Variants in DDX60L observed in about 807,000 individuals in gnomAD.
DDX60L encodes the protein probable ATP-dependent RNA helicase DDX60-like.
DDX60L carries 191 observed loss-of-function variants against 211.6 expected under a neutral mutation model. The ratio of observed to expected loss-of-function variants is 0.90; its 90% CI spans 0.80 to 1.02. The LOEUF (loss-of-function observed/expected upper bound fraction) is 1.02. Ranked by LOEUF, DDX60L falls within the 50% of genes least tolerant of loss-of-function variation. The pLI, the probability that DDX60L is intolerant of heterozygous loss-of-function variation, is 0.00. For missense variants in DDX60L, 2,007 were observed against 1,984.1 expected, an observed-to-expected ratio of 1.01 and a Z score of -0.22; for synonymous variants, 706 against 694.1, an observed-to-expected ratio of 1.02 and a Z score of -0.27.
At chr4:168,462,820 A>ACAAAAG (rs1480452153) in intron 4 of DDX60L, among the ~76,000 whole-genome samples, 2 of 151,762 alleles carry the variant, frequency 1.3e-5, no homozygotes, top group African/African-American at 2.4e-5. Context: ...CAAAACAAAA[A>ACAAAAG]CAAAAACAAA....
chr4:168,403,895 C>A, intron 25 of DDX60L, 87 bp downstream of exon 25: 1 of 712,784 alleles, frequency 1.4e-6, no homozygotes, highest in Non-Finnish European at 2.1e-6. Flanking sequence ...CTTCTAACCA[C>A]TATATATAAA....
intron 5 of DDX60L, among the ~76,000 whole-genome samples, chr4:168,459,169 C>A (rs1756971673): frequency 1.3e-5 from 2 of 151,916 alleles, no homozygotes; most frequent in African/African-American, 2.4e-5. Context: ...AATAATTTTA[C>A]AGAAAATAAA....
intron 22 of DDX60L, 34 bp from the exon 23 acceptor site, chr4:168,406,740 A>G (rs1747814524): frequency 5.1e-6 from 7 of 1,365,380 alleles, no homozygotes; most frequent in Non-Finnish European, 7.1e-6. Flanking sequence ...TGGATGAAGA[A>G]ATAAAATTAC....
At chr4:168,396,618 A>G (rs775513582) in intron 26 of DDX60L, among the ~76,000 whole-genome samples, 4 of 152,062 alleles carry the variant, frequency 2.6e-5, no homozygotes, top group Non-Finnish European at 5.9e-5. Context: ...TGATTATACC[A>G]TTAAATACTC....
intron 4 of DDX60L, among the ~76,000 whole-genome samples, chr4:168,464,152 G>C (rs535124842): frequency 3.9e-5 from 6 of 152,192 alleles, no homozygotes; most frequent in Non-Finnish European, 7.4e-5. Context: ...ATTAATTTTA[G>C]CTATCAACTA....
intron 32 of DDX60L, 98 bp from the exon 33 acceptor site, chr4:168,378,573 G>A (rs2149671301): frequency 1.1e-6 from 1 of 905,240 alleles, no homozygotes; most frequent in Non-Finnish European, 1.6e-6. Flanking sequence ...TTTTGTTGAA[G>A]GCAAAATTTT....
At chr4:168,453,351 C>A in intron 7 of DDX60L, 69 bp from the exon 8 acceptor site, 1 of 1,464,746 alleles carries the variant, frequency 6.8e-7, no homozygotes, top group Non-Finnish European at 9.2e-7. Flanking sequence ...AATAGGCACT[C>A]CACGAAGATC....
intron 35 of DDX60L, among the ~76,000 whole-genome samples, chr4:168,373,125 ACT>A: frequency 6.6e-6 from 1 of 152,126 alleles, no homozygotes; most frequent in Non-Finnish European, 1.5e-5. Context: ...ATGATGTGTG[ACT>A]CTCTGACCCA....
chr4:168,371,963 C>G (rs2149637388), intron 35 of DDX60L, among the ~76,000 whole-genome samples, 200 bp from the exon 36 acceptor site: 1 of 152,228 alleles, frequency 6.6e-6, no homozygotes, highest in East Asian at 1.9e-4. Flanking sequence ...GTGTTACAGA[C>G]ACTGGCCACT....
intron 30 of DDX60L, among the ~76,000 whole-genome samples, chr4:168,383,589 C>T (rs989104311): frequency 2.6e-5 from 4 of 152,166 alleles, no homozygotes; most frequent in Non-Finnish European, 2.9e-5. Context: ...TTTATGGCTA[C>T]TTCATGTCAG....
rs144248368 is a variant in DDX60L at position 168,408,983 on chromosome 4, C to G, written c.2980-2277G>C. The stretch of plus-strand genomic sequence containing the variant: ...TCTCCTGTTGCTTCAATGTATTCTG[C>G]TTCCCCTCATGAATGAACAATTTCA... On this transcript the variant is annotated intron_variant, in intron 22 of 37. Transcript: ENST00000682922. 2.0e-5 allele frequency among the ~76,000 whole-genome samples: 3 copies of G among 152,274 alleles called. No individual in the cohort carries two copies. In the East Asian group the frequency reaches 5.8e-4, roughly 29 times the overall value.
At chr4:168,463,607 T>G (rs1401027833) in intron 4 of DDX60L, among the ~76,000 whole-genome samples, 2 of 152,084 alleles carry the variant, frequency 1.3e-5, no homozygotes, top group Admixed American at 1.3e-4. Flanking sequence ...AAAAAATCTG[T>G]TTTTAAATGA....
rs1298319101 is a variant in DDX60L, at chr4:168,432,517, A to G, written c.1454T>C (p.Leu485Ser). 1 of 1,586,998 alleles carries G rather than the reference A, an allele frequency of 6.3e-7. No individual in the cohort carries two copies. Residue 485 changes from leucine to serine, a missense_variant, in exon 12 of 38, where the codon TTG becomes TCG. Leu to Ser is a moderately radical substitution (Grantham distance 145). Transcript: ENST00000682922. Reference sequence around the variant, plus strand: ...AAGGAGTCTTTGAGCATGCCAGTGCAAAAGTTCATCAGATGTCTTTTGTTT... The same window carrying G: ...AAGGAGTCTTTGAGCATGCCAGTGCGAAAGTTCATCAGATGTCTTTTGTTT... ...LFKQKTSDEL[L>S]HWHAQRLLSD...
rs1180927549 is a variant in DDX60L, at chr4:168,372,676, G to A, written c.4777-913C>T. ...CCGGAAGTTGAGGATGCAGTGAGCC[G>A]AGATAGTGCCACTGCACTCCAGCCT... On this transcript the variant is annotated intron_variant, in intron 35 of 37. Transcript: ENST00000682922. 2.6e-5 allele frequency among the ~76,000 whole-genome samples: 4 copies of A among 151,376 alleles called. No individual in the cohort carries two copies. In the South Asian group the frequency reaches 8.5e-4, roughly 32 times the overall value.
chr4:168,471,606 G>A (rs1758782564), intron 4 of DDX60L, 141 bp downstream of exon 4: 2 of 588,608 alleles, frequency 3.4e-6, no homozygotes, highest in Admixed American at 7.5e-5. Context: ...GTGAAATTAT[G>A]GGTAATTTTT....
intron 15 of DDX60L, among the ~76,000 whole-genome samples, chr4:168,423,000 T>TGTGTG (rs375472116): frequency 1.8e-5 from 2 of 108,198 alleles, no homozygotes; most frequent in African/African-American, 5.5e-5. Flanking sequence ...TGTGTGTGTG[T>TGTGTG]TGTAGAGACA....
rs370228652 is a variant in DDX60L, at chr4:168,415,723, C to T, written c.2803G>A (p.Ala935Thr). 1 of 1,601,846 alleles carries T rather than the reference C, an allele frequency of 6.2e-7. No individual in the cohort carries two copies. The highest frequency in any genetic ancestry group is 8.5e-7 in the Non-Finnish European group (1 of 1,173,184). ...TGGAGAAAGTTGAGACATTTGTCAG[C>T]CTGTTTTTCAGAAATACATTTCTCT... ...MEEKCISEKQADKCLNFLQDH... is the reference protein window; with the variant it reads ...MEEKCISEKQTDKCLNFLQDH... The change falls in exon 21 of 38, where the codon GCT becomes ACT. Residue 935 changes from alanine to threonine, a missense_variant. Ala to Thr is a moderately conservative substitution (Grantham distance 58). Transcript: ENST00000682922.
chr4:168,460,263 C>A (rs1359353086), intron 5 of DDX60L, among the ~76,000 whole-genome samples: 1 of 152,180 alleles, frequency 6.6e-6, no homozygotes, highest in Non-Finnish European at 1.5e-5. Context: ...ACTGCATAAA[C>A]CTAATGTCAA....
rs1745741199 is a variant in DDX60L, at chr4:168,396,144, A to C, written c.3492-20T>G. On this transcript the variant is annotated intron_variant, in intron 26 of 37. Transcript: ENST00000682922. ...TTAGTGCTACTATTTAAAAAAAAAA[A>C]AAAACTTTTAAGTAATGAAAACTCA... 2 of 1,393,106 alleles carry C rather than the reference A, an allele frequency of 1.4e-6. No homozygotes were observed. Among genetic ancestry groups the C allele is most frequent in the African/African-American group, 1.5e-5 (1 of 67,918 alleles). The allele number at this position is 1,393,106 out of a possible 1,614,324, so 86.3% of individuals were successfully genotyped here.
Sources: gnomAD v4.1 joint callset for allele counts (sites outside exome capture counted in the v4.1 genomes callset) on GRCh38, gnomAD v4.1.1 for gene constraint, MANE v1.5 for transcripts, NCBI Gene and HGNC (gene_info 2026-07-23, HGNC 2026-07-21) for gene names.